PRKCA: variants seen among roughly 807,000 people sequenced by gnomAD.
PRKCA encodes the protein protein kinase C alpha type.
PRKCA carries 27 observed loss-of-function variants against 87.0 expected under a neutral mutation model. That is an observed-to-expected ratio of 0.31 (90% CI 0.23 to 0.43). The LOEUF (loss-of-function observed/expected upper bound fraction) is 0.43, where lower values mean the gene tolerates loss of function less well. Ranked by LOEUF, PRKCA falls within the 20% of genes least tolerant of loss-of-function variation. The pLI, the probability that PRKCA is intolerant of heterozygous loss-of-function variation, is 1.00. For missense variants in PRKCA, 518 were observed against 852.3 expected (o/e 0.61, Z 4.88); for synonymous variants, 329 against 311.1 (o/e 1.06, Z -0.61).
intron 12 of PRKCA, 121 bp downstream of exon 12, chr17:66,741,842 G>T: frequency 1.1e-6 from 1 of 901,696 alleles, no homozygotes; most frequent in Non-Finnish European, 1.7e-6. Context: ...GAGGAACAGA[G>T]ACCTGCTGGG....
At chr17:66,729,526 T>C (rs1217315626) in intron 8 of PRKCA, among the ~76,000 whole-genome samples, 1 of 152,238 alleles carries the variant, frequency 6.6e-6, no homozygotes, top group Non-Finnish European at 1.5e-5. Flanking sequence ...CAGGCCAGTA[T>C]GTGTAGCATC....
At chr17:66,455,385 C>T (rs372683405) in intron 2 of PRKCA, among the ~76,000 whole-genome samples, 13 of 152,088 alleles carry the variant, frequency 8.5e-5, no homozygotes, top group Admixed American at 6.6e-5. Context: ...ATATAGAAGA[C>T]GGCCATTTAT....
At chr17:66,431,989 C>T (rs1466957937) in intron 2 of PRKCA, among the ~76,000 whole-genome samples, 2 of 152,134 alleles carry the variant, frequency 1.3e-5, no homozygotes, top group Non-Finnish European at 2.9e-5. Context: ...CAAGACCGTT[C>T]CCTTTTTTTA....
chr17:66,431,303 T>A (rs1044207624), intron 2 of PRKCA, among the ~76,000 whole-genome samples: 10 of 152,248 alleles, frequency 6.6e-5, no homozygotes, highest in Non-Finnish European at 1.5e-4. Context: ...TAGGGCTATT[T>A]AATAGCGATG....
chr17:66,389,132 G>A (rs139159365), intron 2 of PRKCA, among the ~76,000 whole-genome samples: 3 of 152,282 alleles, frequency 2.0e-5, no homozygotes, highest in East Asian at 1.9e-4. Flanking sequence ...TTGCAGCCAC[G>A]AGGTTAACCA....
intron 2 of PRKCA, among the ~76,000 whole-genome samples, chr17:66,442,044 A>T (rs79861688): frequency 0.052 from 7,882 of 150,868 alleles, 274 homozygotes; most frequent in South Asian, 0.097. Context: ...CATGTTTTTC[A>T]TCATGATGTT....
chr17:66,399,323 C>T lies in PRKCA; in HGVS notation c.205+93196C>T, dbSNP rs147146511. ...CTTGAACTCCTGAGCTCAAGTGATC[C>T]GCCCACATTGGCTTCTCAGAGTGCT... On this transcript the variant is annotated intron_variant, in intron 2 of 16. Coordinates refer to ENST00000413366, the MANE Select transcript of PRKCA (RefSeq NM_002737.3). 5.6e-3 allele frequency among the ~76,000 whole-genome samples: 845 copies of T among 152,004 alleles called. 10 individuals carry two copies. The highest frequency in any genetic ancestry group is 0.019 in the African/African-American group (779 of 41,452).
intron 3 of PRKCA, among the ~76,000 whole-genome samples, chr17:66,501,936 G>C (rs4791057): frequency 0.055 from 8,368 of 152,274 alleles, 285 homozygotes; most frequent in South Asian, 0.11. Flanking sequence ...GGCTGCTCTG[G>C]CCATGATGGG....
intron 8 of PRKCA, among the ~76,000 whole-genome samples, chr17:66,713,441 C>T (rs1027693621): frequency 2.0e-5 from 3 of 152,146 alleles, no homozygotes; most frequent in Non-Finnish European, 4.4e-5. Context: ...GAATCTGCTC[C>T]CCGTACCCCA....
intron 3 of PRKCA, among the ~76,000 whole-genome samples, chr17:66,532,229 G>A (rs887482968): frequency 3.3e-5 from 5 of 151,758 alleles, no homozygotes; most frequent in Non-Finnish European, 7.4e-5. Flanking sequence ...GAATTAAGGA[G>A]CCAATTCAGA....
At chr17:66,409,705 G>A (rs772083174) in intron 2 of PRKCA, among the ~76,000 whole-genome samples, 3 of 152,144 alleles carry the variant, frequency 2.0e-5, no homozygotes. Flanking sequence ...CGAGGTGGGC[G>A]GATCACAAGG....
At chr17:66,754,585 A>C (rs80240883) in intron 13 of PRKCA, among the ~76,000 whole-genome samples, 8 of 152,252 alleles carry the variant, frequency 5.3e-5, no homozygotes, top group Non-Finnish European at 8.8e-5. Flanking sequence ...TTACATTCTT[A>C]GTGCATCTCA....
chr17:66,602,569 C>G (rs1382745202), intron 3 of PRKCA, among the ~76,000 whole-genome samples: 21 of 152,192 alleles, frequency 1.4e-4, no homozygotes. Flanking sequence ...GGAGCTGTTC[C>G]TATTCGGCCA....
chr17:66,587,711 AT>A, intron 3 of PRKCA, among the ~76,000 whole-genome samples: 2 of 107,798 alleles, frequency 1.9e-5, no homozygotes, highest in East Asian at 4.5e-4. Flanking sequence ...ATATATACGT[AT>A]ATGTGTGTAT....
chr17:66,642,671 A>G (rs1971333233), intron 4 of PRKCA, among the ~76,000 whole-genome samples: 2 of 152,224 alleles, frequency 1.3e-5, no homozygotes, highest in South Asian at 4.1e-4. Flanking sequence ...AACGAGCATC[A>G]TAGAGTAGAT....
intron 3 of PRKCA, among the ~76,000 whole-genome samples, chr17:66,580,622 CTT>C (rs1969394460): frequency 6.6e-6 from 1 of 152,200 alleles, no homozygotes; most frequent in South Asian, 2.1e-4. Context: ...TTTATATAAA[CTT>C]TACTGACATT....
At chr17:66,349,206 C>T (rs1398861168) in intron 2 of PRKCA, among the ~76,000 whole-genome samples, 2 of 152,172 alleles carry the variant, frequency 1.3e-5, no homozygotes, top group Admixed American at 6.5e-5. Context: ...ATACCTGTGG[C>T]AGCAGGTATA....
intron 16 of PRKCA, among the ~76,000 whole-genome samples, chr17:66,791,526 T>G (rs754135996): frequency 6.6e-6 from 1 of 152,104 alleles, no homozygotes; most frequent in Admixed American, 6.5e-5. Context: ...GGCAGAGAGA[T>G]AAATGGGGCA....
chr17:66,559,337 G>A (rs867300478), intron 3 of PRKCA, among the ~76,000 whole-genome samples: 10 of 151,822 alleles, frequency 6.6e-5, no homozygotes, highest in African/African-American at 1.7e-4. Flanking sequence ...TGAGCTGGGC[G>A]TGGTGGTGGG....
Sources: gnomAD v4.1 joint callset for allele counts (sites outside exome capture counted in the v4.1 genomes callset) on GRCh38, gnomAD v4.1.1 for gene constraint, MANE v1.5 for transcripts, NCBI Gene and HGNC (gene_info 2026-07-23, HGNC 2026-07-21) for gene names.